Variants in MTRR observed in about 807,000 individuals in gnomAD.
MTRR encodes the protein methionine synthase reductase.
In MTRR, 63 loss-of-function variants were observed where a neutral mutation model predicts 79.2. That is an observed-to-expected ratio of 0.80 (90% CI 0.65 to 0.98). MTRR has a LOEUF of 0.98. MTRR is among the 50% of genes least tolerant of loss of function. The pLI is 0.00. For missense variants in MTRR, 895 were observed against 839.6 expected (o/e 1.07, Z -0.82); for synonymous variants, 355 against 313.3 (o/e 1.13, Z -1.41).
chr5:7,856,745 T>C (rs1472307484), intron 1 of MTRR: 3 of 149,502 alleles, frequency 2.0e-5, no homozygotes, highest in Non-Finnish European at 4.4e-5. Flanking sequence ...TTCTGGTAGG[T>C]ATACTTTTTT....
chr5:7,867,198 T>C, upstream of MTRR: 1 of 1,614,162 alleles, frequency 6.2e-7, no homozygotes, highest in South Asian at 1.1e-5. Flanking sequence ...ATTTGGCTAA[T>C]CAATTTAGGA....
chr5:7,862,871 T>G, intron 2 of MTRR: 1 of 1,614,028 alleles, frequency 6.2e-7, no homozygotes, highest in South Asian at 1.1e-5. Flanking sequence ...AAATATAATC[T>G]TGCTCCTAAA....
chr5:7,894,443 T>G (rs1360436146), intron 11 of MTRR, among the ~76,000 whole-genome samples: 1 of 152,210 alleles, frequency 6.6e-6, no homozygotes, highest in Non-Finnish European at 1.5e-5. Flanking sequence ...CTATCTGCCA[T>G]GATATTCTCT....
chr5:7,877,909 A>C, intron 4 of MTRR, 35 bp from the exon 5 acceptor site: 1 of 1,607,200 alleles, frequency 6.2e-7, no homozygotes, highest in Non-Finnish European at 8.5e-7. Flanking sequence ...GAACTTAGGC[A>C]TTTGTTTTGT....
intron 14 of MTRR, 59 bp from the exon 15 acceptor site, chr5:7,899,855 A>G: frequency 1.3e-6 from 2 of 1,596,044 alleles, no homozygotes; most frequent in Non-Finnish European, 1.7e-6. Flanking sequence ...TTGTGAATTA[A>G]GGAGGATTTA....
intron 3 of MTRR, 152 bp downstream of exon 3, chr5:7,873,678 C>A: frequency 2.1e-6 from 2 of 931,306 alleles, no homozygotes; most frequent in South Asian, 1.6e-5. Context: ...ATGTAATGTG[C>A]TACCTTTTCT....
intron 1 of MTRR, among the ~76,000 whole-genome samples, chr5:7,853,710 T>G (rs1295987006): frequency 1.3e-5 from 2 of 152,156 alleles, no homozygotes; most frequent in Non-Finnish European, 2.9e-5. Context: ...GGAGGCATGT[T>G]TCATCACTTG....
At chr5:7,853,691 G>A (rs1252124516) in intron 1 of MTRR, among the ~76,000 whole-genome samples, 6 of 152,206 alleles carry the variant, frequency 3.9e-5, no homozygotes, top group South Asian at 4.1e-4. Flanking sequence ...TGCCCCAGAG[G>A]ATCAACATGG....
upstream of MTRR, chr5:7,866,060 T>G: frequency 1.9e-6 from 2 of 1,072,324 alleles, no homozygotes; most frequent in Non-Finnish European, 2.9e-6. Context: ...ACATTCAACA[T>G]CAATTTACAC....
upstream of MTRR, chr5:7,866,714 A>G (rs1427613703): frequency 6.2e-7 from 1 of 1,612,810 alleles, no homozygotes; most frequent in East Asian, 2.2e-5. Flanking sequence ...GCATTCATTA[A>G]GTGAACATGA....
At chr5:7,868,253 C>T (rs1000070228), upstream of MTRR, 1 of 550,602 alleles carries the variant, frequency 1.8e-6, no homozygotes, top group Non-Finnish European at 3.1e-6. Flanking sequence ...ACCAGAGGGG[C>T]AAAGTCTCTG....
chr5:7,857,798 C>T (rs1396815659), intron 1 of MTRR, among the ~76,000 whole-genome samples: 1 of 152,150 alleles, frequency 6.6e-6, no homozygotes, highest in Non-Finnish European at 1.5e-5. Context: ...CTGCTGAATG[C>T]GTACGTGAAG....
chr5:7,890,823 T>C (rs1171309860), intron 9 of MTRR, among the ~76,000 whole-genome samples: 1 of 152,238 alleles, frequency 6.6e-6, no homozygotes, highest in Admixed American at 6.5e-5. Context: ...TACCTACGTA[T>C]TTTGAAATCA....
chr5:7,874,588 C>CTTTTTTTT (rs5865743), intron 3 of MTRR, among the ~76,000 whole-genome samples: 2 of 108,214 alleles, frequency 1.8e-5, no homozygotes, highest in Non-Finnish European at 3.6e-5. Context: ...GGGATTTAAG[C>CTTTTTTTT]TTTTTTTTTT....
chr5:7,853,658 G>A (rs1450082504), intron 1 of MTRR, among the ~76,000 whole-genome samples: 2 of 152,256 alleles, frequency 1.3e-5, no homozygotes, highest in South Asian at 2.1e-4. Flanking sequence ...CTTTCTGAGG[G>A]GCCTGGAGAG....
At chr5:7,881,816 T>C (rs553942613) in intron 5 of MTRR, among the ~76,000 whole-genome samples, 1 of 152,336 alleles carries the variant, frequency 6.6e-6, no homozygotes, top group South Asian at 2.1e-4. Context: ...AGTCTTCTCT[T>C]CTGCTGTTTC....
chr5:7,893,054 C>A, intron 11 of MTRR, 141 bp downstream of exon 11: 1 of 997,558 alleles, frequency 1.0e-6, no homozygotes, highest in Non-Finnish European at 1.5e-6. Context: ...ATCTCTATTG[C>A]AAGAGCAGAA....
chr5:7,892,822 G>T lies in MTRR; in HGVS notation c.1466G>T (p.Cys489Phe). 6.2e-7 allele frequency: 1 copy of T among 1,614,210 alleles called. No homozygotes were observed. Among genetic ancestry groups the T allele is most frequent in the South Asian group, 1.1e-5 (1 of 91,080 alleles). ...ATTEVLRKGV[C>F]TGWLALLVAS... ...ACAGAGGTTCTGCGGAAGGGAGTAT[G>T]TACAGGCTGGCTGGCCTTGTTGGTT... Residue 489 changes from cysteine (C) to phenylalanine (F), a missense_variant, in exon 11 of 15, where the codon TGT (cysteine) becomes TTT (phenylalanine). Cys to Phe is a radical substitution (Grantham distance 205). Transcript: ENST00000440940.
At position 7,896,917 on chromosome 5, in the gene MTRR, T is replaced by TTTTTGGC. The variant is rs776895156; in HGVS notation, c.1732_1738dup (p.Cys580PhefsTer6). The TTTTTGGC allele has an allele frequency of 6.2e-7, 1 of 1,614,164 alleles. No homozygotes were observed. Among genetic ancestry groups the TTTTTGGC allele is most frequent in the South Asian group, 1.1e-5 (1 of 91,080 alleles). The stretch of plus-strand genomic sequence containing the variant: ...GGAAATTTTGGAGCAATGTGGTTGT[T>TTTTTGGC]TTTTGGCTGCAGGCATAAGGATAGG... On this transcript the variant is annotated frameshift_variant, in exon 13 of 15. Coordinates refer to ENST00000440940, the MANE Select transcript of MTRR (RefSeq NM_002454.3). LOFTEE classifies it high-confidence loss of function.
Sources: allele counts gnomAD v4.1 joint callset (sites outside exome capture counted in the v4.1 genomes callset), GRCh38; gene constraint gnomAD v4.1.1; transcripts MANE v1.5; gene names NCBI Gene and HGNC (gene_info 2026-07-23, HGNC 2026-07-21).